The following USP6NL variants were observed in gnomAD, a reference collection of about 807,000 sequenced individuals.
The protein encoded by USP6NL is USP6 N-terminal like.
Under a neutral mutation model 61.9 loss-of-function variants are expected in USP6NL, and 26 were observed. The observed-to-expected ratio is 0.42, with a 90% CI of 0.31 to 0.58. The LOEUF (loss-of-function observed/expected upper bound fraction) is 0.58. Among genes scored for constraint, USP6NL ranks in the 20% least tolerant of loss-of-function variants. The pLI, the probability that USP6NL is intolerant of heterozygous loss-of-function variation, is 0.16. For missense variants in USP6NL, 1,114 were observed against 1,034.3 expected (o/e 1.08, Z -1.06); for synonymous variants, 432 against 390.1 (o/e 1.11, Z -1.27).
At chr10:11,601,999 A>G (rs941453767) in intron 1 of USP6NL, among the ~76,000 whole-genome samples, 3 of 152,222 alleles carry the variant, frequency 2.0e-5, no homozygotes, top group African/African-American at 7.2e-5. Flanking sequence ...GAAAGAAAAA[A>G]AAAGAAGAAA....
chr10:11,523,282 C>T (rs527739460), intron 4 of USP6NL, among the ~76,000 whole-genome samples: 1 of 152,314 alleles, frequency 6.6e-6, no homozygotes, highest in East Asian at 1.9e-4. Context: ...TCTCAATAGA[C>T]AAGAGTCAGA....
At chr10:11,502,133 C>T (rs1834225461) in intron 6 of USP6NL, among the ~76,000 whole-genome samples, 1 of 151,972 alleles carries the variant, frequency 6.6e-6, no homozygotes, top group Admixed American at 6.6e-5. Context: ...GTGGTGGGTG[C>T]CTGTAGTCCC....
At chr10:11,545,895 G>T (rs750497054) in intron 2 of USP6NL, among the ~76,000 whole-genome samples, 8 of 151,312 alleles carry the variant, frequency 5.3e-5, no homozygotes, top group Non-Finnish European at 1.2e-4. Context: ...ACCACACTTT[G>T]GCCAATAGTC....
At chr10:11,514,658 T>A (rs1435611207) in intron 5 of USP6NL, among the ~76,000 whole-genome samples, 1 of 152,126 alleles carries the variant, frequency 6.6e-6, no homozygotes, top group Admixed American at 6.6e-5. Context: ...CACCTTATAC[T>A]CTCCCTATCC....
chr10:11,500,732 A>G (rs1274863559), intron 7 of USP6NL, among the ~76,000 whole-genome samples: 1 of 152,178 alleles, frequency 6.6e-6, no homozygotes, highest in African/African-American at 2.4e-5. Flanking sequence ...CGAACTCTCA[A>G]AGTGATACCA....
rs778463434 is a variant in USP6NL, at chr10:11,596,359, C to A, written c.4+1272G>T. ...TTTCTTGGCCGGGCGCGGTGGCTCA[C>A]GCCTGTAATCCCAGCATTTTGGGAG... On this transcript the variant is annotated intron_variant, in intron 2 of 14. Transcript: ENST00000609104. The surrounding 1 kb of genome is among the most constrained non-coding windows in gnomAD (Gnocchi z 4.1). 6.6e-6 allele frequency among the ~76,000 whole-genome samples: 1 copy of A among 152,160 alleles called. No individual in the cohort carries two copies. Among genetic ancestry groups the A allele is most frequent in the African/African-American group, 2.4e-5 (1 of 41,442 alleles).
intron 2 of USP6NL, among the ~76,000 whole-genome samples, chr10:11,552,772 C>G (rs754917642): frequency 2.0e-5 from 3 of 152,328 alleles, no homozygotes; most frequent in African/African-American, 7.2e-5. Flanking sequence ...TTTCTACCAA[C>G]ACCATCACAC....
At chr10:11,549,171 A>G (rs1325040402) in intron 2 of USP6NL, among the ~76,000 whole-genome samples, 2 of 152,136 alleles carry the variant, frequency 1.3e-5, no homozygotes, top group African/African-American at 4.8e-5. Context: ...ATGGTTTATT[A>G]TCTCCTAACC....
At chr10:11,486,880 A>G (rs1054978231) in intron 10 of USP6NL, among the ~76,000 whole-genome samples, 1 of 152,178 alleles carries the variant, frequency 6.6e-6, no homozygotes, top group African/African-American at 2.4e-5. Flanking sequence ...ATGAAACTCT[A>G]TTCCACCAAA....
rs1452994082 is a variant in USP6NL at position 11,537,431 on chromosome 10, T to C, written c.5-9864A>G. 1.3e-5 allele frequency among the ~76,000 whole-genome samples: 2 copies of C among 152,180 alleles called. No homozygotes were observed. Among genetic ancestry groups the C allele is most frequent in the East Asian group, 3.9e-4 (2 of 5,190 alleles). ...CCGGCCTACTCCTCTAGTTTAAGTATGCATTATCTGATACAATCAAAGTGT... is the reference window on the plus strand; with the variant it reads ...CCGGCCTACTCCTCTAGTTTAAGTACGCATTATCTGATACAATCAAAGTGT... On this transcript the variant is annotated intron_variant, in intron 2 of 14. Coordinates refer to ENST00000609104, the MANE Select transcript of USP6NL (RefSeq NM_014688.5). The surrounding 1 kb of genome is among the most constrained non-coding windows in gnomAD (Gnocchi z 5.1).
intron 2 of USP6NL, among the ~76,000 whole-genome samples, chr10:11,568,202 G>T (rs1196339632): frequency 6.6e-6 from 1 of 151,960 alleles, no homozygotes; most frequent in Non-Finnish European, 1.5e-5. Context: ...TATGCAAAGA[G>T]TAAACATAGG....
In USP6NL at chr10:11,518,637, T is replaced by TATAC; in HGVS notation, c.156-67_156-64dup. 1 of 1,260,180 alleles carries TATAC rather than the reference T, an allele frequency of 7.9e-7. No homozygotes were observed. Among genetic ancestry groups the TATAC allele is most frequent in the South Asian group, 1.3e-5 (1 of 79,918 alleles). The allele number at this position is 1,260,180 out of a possible 1,614,324, so 78.1% of individuals were successfully genotyped here. ...ATCAAAACAAACTTTTAAAAGCTTA[T>TATAC]ATACTTATAGATACATATGACATAC... On this transcript the variant is annotated intron_variant, in intron 4 of 14. Coordinates refer to ENST00000609104, the MANE Select transcript of USP6NL (RefSeq NM_014688.5). The surrounding 1 kb of genome is among the most constrained non-coding windows in gnomAD (Gnocchi z 5.3).
intron 14 of USP6NL, among the ~76,000 whole-genome samples, chr10:11,479,909 G>C (rs544634271): frequency 9.9e-5 from 15 of 152,100 alleles, no homozygotes; most frequent in Non-Finnish European, 2.1e-4. Flanking sequence ...ATGTGACATG[G>C]AATTTTCTTG....
chr10:11,495,893 T>C lies in USP6NL; in HGVS notation c.385-2665A>G, dbSNP rs564285365. Among the ~76,000 whole-genome samples the C allele has an allele frequency of 2.0e-3, 307 of 152,354 alleles. 6 individuals carry two copies. The highest frequency in any genetic ancestry group is 2.1e-4 in the Non-Finnish European group (14 of 68,038). On this transcript the variant is annotated intron_variant, in intron 7 of 14. Coordinates refer to ENST00000609104, the MANE Select transcript of USP6NL (RefSeq NM_014688.5). The surrounding 1 kb of genome is among the most constrained non-coding windows in gnomAD (Gnocchi z 4.6). The stretch of plus-strand genomic sequence containing the variant: ...AGCTGCATGCCTGGGTGAGGCTTCC[T>C]GACTGTGATCCTGCTCGTGGAGGCA...
chr10:11,503,964 G>A (rs1413001460), intron 6 of USP6NL, among the ~76,000 whole-genome samples: 3 of 151,902 alleles, frequency 2.0e-5, no homozygotes, highest in South Asian at 4.2e-4. Context: ...ATGGAATAGC[G>A]AACAGGAAAG....
rs1256783324 is a variant in USP6NL, at chr10:11,476,515, GAAATA to G, written c.1078+5250_1078+5254del. On this transcript the variant is annotated intron_variant, in intron 14 of 14. Transcript: ENST00000609104. The surrounding 1 kb of genome is among the most constrained non-coding windows in gnomAD (Gnocchi z 4.3). The stretch of plus-strand genomic sequence containing the variant: ...TTCAACAGCAACTACAAAACATACA[GAAATA>G]AAATAAAGGTACAAAAATGCTAACA... Among the ~76,000 whole-genome samples, 2 of 152,098 alleles carry G rather than the reference GAAATA, an allele frequency of 1.3e-5. No homozygotes were observed. Among genetic ancestry groups the G allele is most frequent in the South Asian group, 2.1e-4 (1 of 4,828 alleles).
At chr10:11,607,152 T>C (rs988689726) in intron 1 of USP6NL, among the ~76,000 whole-genome samples, 1 of 152,190 alleles carries the variant, frequency 6.6e-6, no homozygotes, top group African/African-American at 2.4e-5. Context: ...TATTTTTTAA[T>C]ATGGGCACCA....
In USP6NL at chr10:11,525,740, T is replaced by C. The variant is rs1353879951; in HGVS notation, c.73-272A>G. Reference sequence around the variant, plus strand: ...TGAGCCAGGATCAGGCCAGGGTTCCTTGGGGAAGCTAATGAGGAAAGAAGA... The same window carrying C: ...TGAGCCAGGATCAGGCCAGGGTTCCCTGGGGAAGCTAATGAGGAAAGAAGA... On this transcript the variant is annotated intron_variant, in intron 3 of 14. Transcript: ENST00000609104. This position sits in a 1 kb window ranked among gnomAD's most constrained non-coding sequence, Gnocchi z 5.0. Among the ~76,000 whole-genome samples, 2 of 152,192 alleles carry C rather than the reference T, an allele frequency of 1.3e-5. No individual in the cohort carries two copies. Among genetic ancestry groups the C allele is most frequent in the African/African-American group, 2.4e-5 (1 of 41,448 alleles).
chr10:11,561,000 T>C (rs1042777719), intron 2 of USP6NL, among the ~76,000 whole-genome samples: 5 of 151,878 alleles, frequency 3.3e-5, no homozygotes, highest in Non-Finnish European at 7.4e-5. Flanking sequence ...AAAATGTATA[T>C]GGGAAGAATT....
Sources: allele counts gnomAD v4.1 joint callset (sites outside exome capture counted in the v4.1 genomes callset), GRCh38; gene constraint gnomAD v4.1.1; non-coding constraint Gnocchi (gnomAD v3.1); transcripts MANE v1.5; gene names NCBI Gene and HGNC (gene_info 2026-07-23, HGNC 2026-07-21).